The following EBF2 variants were observed in gnomAD, a reference collection of about 807,000 sequenced individuals.
EBF2 encodes the protein transcription factor COE2.
A neutral mutation model predicts 72.8 loss-of-function variants in EBF2; 21 were observed. That is an observed-to-expected ratio of 0.29 (90% CI 0.20 to 0.42). The LOEUF (loss-of-function observed/expected upper bound fraction) is 0.42, where lower values mean the gene tolerates loss of function less well. Ranked by LOEUF, EBF2 falls within the 10% of genes least tolerant of loss-of-function variation. The pLI is 1.00. For synonymous variants in EBF2, 299 were observed against 274.2 expected, an observed-to-expected ratio of 1.09 and a Z score of -0.89; for missense variants, 637 against 731.2, an observed-to-expected ratio of 0.87 and a Z score of 1.49.
chr8:25,873,400 TG>T (rs1367136958), intron 10 of EBF2, among the ~76,000 whole-genome samples: 2 of 152,216 alleles, frequency 1.3e-5, no homozygotes, highest in Admixed American at 1.3e-4. Flanking sequence ...AGGGTGGAGC[TG>T]AAGTCAAGGC....
intron 6 of EBF2, among the ~76,000 whole-genome samples, chr8:25,958,178 CAG>C (rs1803979126): frequency 6.6e-6 from 1 of 152,140 alleles, no homozygotes; most frequent in Non-Finnish European, 1.5e-5. Context: ...AGATTCCAAA[CAG>C]AGACTCATAC....
Position 26,010,988 on chromosome 8 carries a change from T to TACACACACACACACAC in EBF2, c.551+22081_551+22096dup, listed in dbSNP as rs36211488. 6.8e-3 allele frequency among the ~76,000 whole-genome samples: 1,025 copies of TACACACACACACACAC among 150,856 alleles called. 9 individuals are homozygous for TACACACACACACACAC. The highest frequency in any genetic ancestry group is 8.8e-3 in the South Asian group (42 of 4,764). ...TTTTATATGCTTGCATATGTGTGCATACACACACACACACACACACACACA... is the reference window on the plus strand; with the variant it reads ...TTTTATATGCTTGCATATGTGTGCATACACACACACACACACACACACACACACACACACACACACA... On this transcript the variant is annotated intron_variant, in intron 6 of 15. Transcript: ENST00000520164.
intron 15 of EBF2, among the ~76,000 whole-genome samples, 189 bp from the exon 16 acceptor site, chr8:25,844,829 C>A (rs530971361): frequency 6.6e-6 from 1 of 152,222 alleles, no homozygotes; most frequent in South Asian, 2.1e-4. Flanking sequence ...GGCACTGAAG[C>A]CTTATGGAAT....
chr8:26,030,626 G>A (rs1585234213), intron 6 of EBF2, among the ~76,000 whole-genome samples: 1 of 151,972 alleles, frequency 6.6e-6, no homozygotes, highest in Non-Finnish European at 1.5e-5. Flanking sequence ...TTTATAGTAA[G>A]GTGGGCTCAC....
At chr8:26,005,484 A>AAATATAATATATATTTTAT (rs1554480940) in intron 6 of EBF2, among the ~76,000 whole-genome samples, 2 of 13,520 alleles carry the variant, frequency 1.5e-4, no homozygotes, top group African/African-American at 6.8e-4. Flanking sequence ...ATTATTTATA[A>AAATATAATATATATTTTAT]AATATATATT....
chr8:26,034,516 G>A (rs980877), intron 5 of EBF2, among the ~76,000 whole-genome samples: 147,369 of 152,252 alleles, frequency 0.97, 71,327 homozygotes, highest in East Asian at 1. Flanking sequence ...AAACACTCCA[G>A]TCCAAAGGTA....
At chr8:25,987,450 T>A (rs953557527) in intron 6 of EBF2, among the ~76,000 whole-genome samples, 1 of 152,162 alleles carries the variant, frequency 6.6e-6, no homozygotes, top group African/African-American at 2.4e-5. Context: ...TTCATCACTC[T>A]ATGGCTGGCT....
intron 6 of EBF2, among the ~76,000 whole-genome samples, chr8:25,925,191 C>CT (rs759556133): frequency 3.5e-4 from 54 of 152,188 alleles, no homozygotes; most frequent in South Asian, 2.1e-4. Context: ...TATTTTTCTC[C>CT]TTTTTTTGGA....
chr8:25,921,492 T>G (rs1162008797), intron 6 of EBF2, among the ~76,000 whole-genome samples: 1 of 152,148 alleles, frequency 6.6e-6, no homozygotes, highest in Non-Finnish European at 1.5e-5. Context: ...AACCCCTATA[T>G]CTGTACAAGA....
In EBF2 at chr8:25,866,536, ATATAT is replaced by A. The variant is rs539316043; in HGVS notation, c.1010-3744_1010-3740del. On this transcript the variant is annotated intron_variant, in intron 10 of 15. Transcript: ENST00000520164. ...CATATATAATATAAAAATATATAAT[ATATAT>A]TATATGTAATTTTTATGTATTATAT... Among the ~76,000 whole-genome samples the A allele has an allele frequency of 4.5e-3, 639 of 143,414 alleles. 6 individuals carry two copies. The highest frequency in any genetic ancestry group is 0.015 in the African/African-American group (581 of 39,508). The allele number at this position is 143,414 out of a possible 152,430, so 94.1% of individuals were successfully genotyped here. A position where few individuals can be genotyped will look rare whatever the true frequency, so the allele number is the denominator to read the frequency against.
chr8:25,885,117 G>C (rs1392582209), intron 10 of EBF2, among the ~76,000 whole-genome samples: 1 of 151,378 alleles, frequency 6.6e-6, no homozygotes, highest in Admixed American at 6.6e-5. Flanking sequence ...TTTTTTTGAA[G>C]ACAATACCTT....
chr8:25,861,423 G>A, intron 11 of EBF2, 49 bp from the exon 12 acceptor site: 1 of 1,601,750 alleles, frequency 6.2e-7, no homozygotes, highest in Non-Finnish European at 8.5e-7. Context: ...AATCCAAGAT[G>A]GCAAACAAAA....
chr8:25,927,683 G>A (rs1803408412), intron 6 of EBF2, among the ~76,000 whole-genome samples: 1 of 152,138 alleles, frequency 6.6e-6, no homozygotes, highest in Non-Finnish European at 1.5e-5. Context: ...GATGGCAGAG[G>A]AGTCCTGTGA....
chr8:26,013,467 C>T (rs911119943), intron 6 of EBF2, among the ~76,000 whole-genome samples: 5 of 152,186 alleles, frequency 3.3e-5, no homozygotes, highest in Admixed American at 6.5e-5. Flanking sequence ...TGTGGAAGCA[C>T]TTCTGCTATA....
At chr8:26,030,491 G>T (rs993186699) in intron 6 of EBF2, among the ~76,000 whole-genome samples, 1 of 151,876 alleles carries the variant, frequency 6.6e-6, no homozygotes, top group African/African-American at 2.4e-5. Flanking sequence ...TGAATTAATG[G>T]GTGCAGCACA....
chr8:25,963,502 A>G (rs1804069488), intron 6 of EBF2, among the ~76,000 whole-genome samples: 1 of 152,184 alleles, frequency 6.6e-6, no homozygotes, highest in African/African-American at 2.4e-5. Flanking sequence ...TCCTTGTAGG[A>G]CCTTCCAAAG....
At chr8:25,888,192 A>C (rs1802723925) in intron 8 of EBF2, among the ~76,000 whole-genome samples, 1 of 152,232 alleles carries the variant, frequency 6.6e-6, no homozygotes, top group South Asian at 2.1e-4. Flanking sequence ...CCTTGCCTTC[A>C]AAGGATTGGA....
intron 6 of EBF2, among the ~76,000 whole-genome samples, chr8:26,011,837 T>C (rs1805028574): frequency 6.6e-6 from 1 of 152,028 alleles, no homozygotes. Flanking sequence ...TGTGTTATCA[T>C]ATTTCCAGGA....
In EBF2 at chr8:26,001,829, G is replaced by A. The variant is rs139962595; in HGVS notation, c.551+31256C>T. On this transcript the variant is annotated intron_variant, in intron 6 of 15. Transcript: ENST00000520164. ...CTCCCAAAGTGCTAGGATTACAGGTGTGAGCCACCACACCCAGCCCTGCAT... is the reference window on the plus strand; with the variant it reads ...CTCCCAAAGTGCTAGGATTACAGGTATGAGCCACCACACCCAGCCCTGCAT... Among the ~76,000 whole-genome samples the A allele has an allele frequency of 5.4e-3, 824 of 152,212 alleles. 11 individuals are homozygous for A. Among genetic ancestry groups the A allele is most frequent in the South Asian group, 0.027 (131 of 4,822 alleles).
Sources: gnomAD v4.1 joint callset for allele counts (sites outside exome capture counted in the v4.1 genomes callset) on GRCh38, gnomAD v4.1.1 for gene constraint, MANE v1.5 for transcripts, NCBI Gene and HGNC (gene_info 2026-07-23, HGNC 2026-07-21) for gene names.